The following SOS2 variants were observed in gnomAD, a reference collection of about 807,000 sequenced individuals.
The protein encoded by SOS2 is son of sevenless homolog 2.
A neutral mutation model predicts 148.2 loss-of-function variants in SOS2; 65 were observed. The observed-to-expected ratio is 0.44, with a 90% CI of 0.36 to 0.54. The LOEUF (loss-of-function observed/expected upper bound fraction) is 0.54. Ranked by LOEUF, SOS2 falls within the 20% of genes least tolerant of loss-of-function variation. SOS2 has a pLI of 0.00. For synonymous variants in SOS2, 539 were observed against 537.1 expected, an observed-to-expected ratio of 1.00 and a Z score of -0.05; for missense variants, 1,341 against 1,590.2, an observed-to-expected ratio of 0.84 and a Z score of 2.67.
At position 50,231,284 on chromosome 14, in the gene SOS2, G is replaced by A. The variant is rs747847817; in HGVS notation, c.-1C>T. ...CGTAAGGCTGCGGCGCCTGCTGCAT[G>A]GCCCCGGCGACAGCGCCTCCGCATC... On this transcript the variant is annotated 5_prime_UTR_variant, in exon 1 of 23. Coordinates refer to ENST00000216373, the MANE Select transcript of SOS2 (RefSeq NM_006939.4). The A allele has an allele frequency of 1.4e-6, 2 of 1,427,302 alleles. No individual in the cohort carries two copies. The highest frequency in any genetic ancestry group is 1.6e-5 in the South Asian group (1 of 62,660). 88.4% of individuals were successfully genotyped at this position (1,427,302 alleles called of 1,614,324 possible).
intron 4 of SOS2, among the ~76,000 whole-genome samples, chr14:50,197,187 C>G (rs1886337591): frequency 6.6e-6 from 1 of 152,078 alleles, no homozygotes; most frequent in South Asian, 2.1e-4. Context: ...CAGATTATGA[C>G]CCATTGAATA....
At chr14:50,197,587 G>A (rs1886349667) in intron 4 of SOS2, among the ~76,000 whole-genome samples, 1 of 152,034 alleles carries the variant, frequency 6.6e-6, no homozygotes, top group African/African-American at 2.4e-5. Flanking sequence ...GTTAAGGGAG[G>A]AGAGTTGATT....
intron 1 of SOS2, among the ~76,000 whole-genome samples, chr14:50,209,261 T>C (rs1886779169): frequency 9.6e-6 from 1 of 103,860 alleles, no homozygotes; most frequent in African/African-American, 3.0e-5. Context: ...CATGAGCCTA[T>C]TTCCTTAAAT....
At chr14:50,195,339 A>T (rs1030200637) in intron 4 of SOS2, among the ~76,000 whole-genome samples, 23 of 152,212 alleles carry the variant, frequency 1.5e-4, no homozygotes, top group African/African-American at 5.5e-4. Flanking sequence ...CAGTTTTAGA[A>T]ATCAGTCTAA....
Position 50,138,613 on chromosome 14 carries a change from C to T in SOS2, c.2957G>A (p.Arg986Lys), listed in dbSNP as rs772746106. 3.7e-5 allele frequency: 55 copies of T among 1,492,292 alleles called. No individual in the cohort carries two copies. The highest frequency in any genetic ancestry group is 4.9e-5 in the Non-Finnish European group (55 of 1,113,342). The allele number at this position is 1,492,292 out of a possible 1,614,324, so 92.4% of individuals were successfully genotyped here. A position where few individuals can be genotyped will look rare whatever the true frequency, so the allele number is the denominator to read the frequency against. The part of the protein sequence containing the change: ...PYCLRIEPDM[R>K]RFFENLNPMG... ...AAGATATGCAAAGAAAATATTTACC[C>T]TCATATCTGGTTCTATCCGTAAACA... Residue 986 changes from arginine to lysine, a missense_variant and splice_region_variant, in exon 18 of 23, where the codon AGG becomes AAG. Transcript: ENST00000216373.
At chr14:50,173,964 T>C (rs976683449) in intron 8 of SOS2, among the ~76,000 whole-genome samples, 1 of 151,858 alleles carries the variant, frequency 6.6e-6, no homozygotes, top group African/African-American at 2.4e-5. Flanking sequence ...GACCATATAA[T>C]TTAAAAAAAA....
intron 1 of SOS2, among the ~76,000 whole-genome samples, chr14:50,211,791 C>T (rs138559650): frequency 4.6e-5 from 7 of 152,126 alleles, no homozygotes; most frequent in African/African-American, 1.4e-4. Context: ...ATGTGTGGCT[C>T]ACATTGTATC....
chr14:50,215,570 T>TAACAGTAGATTAACA, intron 1 of SOS2: 1 of 824,968 alleles, frequency 1.2e-6, no homozygotes, highest in Non-Finnish European at 1.6e-6. Context: ...ACCTGTATTT[T>TAACAGTAGATTAACA]AGTTACACCA....
In SOS2 at chr14:50,134,148, C is replaced by T. The variant is rs1566820914; in HGVS notation, c.3050G>A (p.Arg1017Gln). 1.9e-6 allele frequency: 3 copies of T among 1,589,416 alleles called. No homozygotes were observed. The highest frequency in any genetic ancestry group is 1.3e-5 in the African/African-American group (1 of 74,482). The change falls in exon 19 of 23, where the codon CGA (arginine) becomes CAA (glutamine). Residue 1017 changes from arginine (R) to glutamine (Q), a missense_variant. Physicochemically the swap from Arg to Gln is conservative, Grantham distance 43. Transcript: ENST00000216373. ...AAATCGAGGTGGCTGTTTGCAGTTT[C>T]GAGGTTCAATTTCTAGTGACTTGTT... ...LFNKSLEIEPRNCKQPPRFPR... is the reference protein window; with the variant it reads ...LFNKSLEIEPQNCKQPPRFPR...
chr14:50,182,804 T>C (rs1158621722), intron 5 of SOS2, among the ~76,000 whole-genome samples, 198 bp from the exon 6 acceptor site: 2 of 152,266 alleles, frequency 1.3e-5, no homozygotes, highest in Admixed American at 6.5e-5. Flanking sequence ...CTTTGACTTC[T>C]TTCTTAGACA....
chr14:50,171,963 T>A (rs1338061657), intron 8 of SOS2, among the ~76,000 whole-genome samples: 5 of 145,180 alleles, frequency 3.4e-5, no homozygotes, highest in African/African-American at 1.0e-4. Context: ...CTGCATTTTG[T>A]TTCTTTAGAG....
intron 2 of SOS2, among the ~76,000 whole-genome samples, chr14:50,203,532 A>G (rs1340711294): frequency 6.6e-6 from 1 of 152,164 alleles, no homozygotes; most frequent in Non-Finnish European, 1.5e-5. Flanking sequence ...AAATCCAAAA[A>G]TACTCCCATG....
chr14:50,123,074 TAGAA>T (rs537920313), intron 21 of SOS2, among the ~76,000 whole-genome samples: 49 of 152,134 alleles, frequency 3.2e-4, no homozygotes, highest in Non-Finnish European at 1.8e-4. Flanking sequence ...GAAAGGGGTA[TAGAA>T]AGAGGTGGGA....
intron 21 of SOS2, among the ~76,000 whole-genome samples, chr14:50,124,723 T>C (rs1444263286): frequency 6.6e-6 from 1 of 152,226 alleles, no homozygotes; most frequent in Non-Finnish European, 1.5e-5. Flanking sequence ...GAACTATCTA[T>C]AATTATCTAT....
At chr14:50,173,179 CTTGA>C (rs1157588879) in intron 8 of SOS2, among the ~76,000 whole-genome samples, 2 of 151,962 alleles carry the variant, frequency 1.3e-5, no homozygotes, top group East Asian at 1.9e-4. Flanking sequence ...TATCTTTCTG[CTTGA>C]TTATTTCGTA....
At position 50,189,637 on chromosome 14, in the gene SOS2, G is replaced by A. The variant is rs112141072; in HGVS notation, c.511-937C>T. Reference sequence around the variant, plus strand: ...AAATGCTACTATGGTAGAGGCACACGATAGATCAGTGCGATGCATTTCTGA... The same window carrying A: ...AAATGCTACTATGGTAGAGGCACACAATAGATCAGTGCGATGCATTTCTGA... On this transcript the variant is annotated intron_variant, in intron 4 of 22. Coordinates refer to ENST00000216373, the MANE Select transcript of SOS2 (RefSeq NM_006939.4). 6.7e-4 allele frequency among the ~76,000 whole-genome samples: 102 copies of A among 152,192 alleles called. 1 individual carries two copies. Among genetic ancestry groups the A allele is most frequent in the Non-Finnish European group, 1.4e-3 (93 of 68,022 alleles).
At chr14:50,138,277 C>T (rs892654872) in intron 18 of SOS2, among the ~76,000 whole-genome samples, 9 of 152,144 alleles carry the variant, frequency 5.9e-5, no homozygotes, top group African/African-American at 1.7e-4. Flanking sequence ...CCACCTCAGA[C>T]TCCTGAGTAG....
chr14:50,186,439 A>T (rs1885914647), intron 5 of SOS2, among the ~76,000 whole-genome samples: 1 of 152,168 alleles, frequency 6.6e-6, no homozygotes, highest in South Asian at 2.1e-4. Context: ...ATAACGTGGT[A>T]GAAAAGAAGC....
At chr14:50,149,086 C>T (rs1231517903) in intron 14 of SOS2, among the ~76,000 whole-genome samples, 1 of 152,068 alleles carries the variant, frequency 6.6e-6, no homozygotes, top group African/African-American at 2.4e-5. Flanking sequence ...TTTTGTATGA[C>T]GGAGTTTGCC....
Sources: allele counts gnomAD v4.1 joint callset (sites outside exome capture counted in the v4.1 genomes callset), GRCh38; gene constraint gnomAD v4.1.1; transcripts MANE v1.5; gene names NCBI Gene and HGNC (gene_info 2026-07-23, HGNC 2026-07-21).